Variants in CRISPLD2 observed in about 807,000 individuals in gnomAD.
The protein encoded by CRISPLD2 is cysteine rich secretory protein LCCL domain containing 2.
Under a neutral mutation model 71.1 loss-of-function variants are expected in CRISPLD2, and 47 were observed. The observed-to-expected ratio is 0.66, with a 90% CI of 0.52 to 0.84. CRISPLD2 has a LOEUF of 0.84. Among genes scored for constraint, CRISPLD2 ranks in the 40% least tolerant of loss-of-function variants. The pLI, the probability that CRISPLD2 is intolerant of heterozygous loss-of-function variation, is 0.00. For missense variants in CRISPLD2, 830 were observed against 651.1 expected, an observed-to-expected ratio of 1.27 and a Z score of -2.99; for synonymous variants, 317 against 250.1, an observed-to-expected ratio of 1.27 and a Z score of -2.52.
At chr16:84,858,536 C>T (rs1035290002) in intron 6 of CRISPLD2, among the ~76,000 whole-genome samples, 1 of 152,208 alleles carries the variant, frequency 6.6e-6, no homozygotes, top group African/African-American at 2.4e-5. Flanking sequence ...ATTTCCCATC[C>T]TCTGGCACAC....
chr16:84,822,945 T>G (rs1696185848), intron 1 of CRISPLD2, among the ~76,000 whole-genome samples: 1 of 152,212 alleles, frequency 6.6e-6, no homozygotes, highest in Non-Finnish European at 1.5e-5. Context: ...ATTGGAAGTA[T>G]TGTGCAGCCA....
chr16:84,872,282 G>A (rs1312799631), intron 8 of CRISPLD2, among the ~76,000 whole-genome samples, 160 bp from the exon 9 acceptor site: 2 of 152,176 alleles, frequency 1.3e-5, no homozygotes, highest in Non-Finnish European at 2.9e-5. Flanking sequence ...ATCAGTCTGC[G>A]CCTGGGTAAA....
At chr16:84,855,449 G>A (rs555674505) in intron 6 of CRISPLD2, among the ~76,000 whole-genome samples, 123 of 152,332 alleles carry the variant, frequency 8.1e-4, no homozygotes, top group African/African-American at 2.9e-3. Context: ...ACGGGAGAAA[G>A]ATGGAGGCTG....
At chr16:84,895,097 C>G (rs2071694684) in intron 14 of CRISPLD2, among the ~76,000 whole-genome samples, 1 of 146,314 alleles carries the variant, frequency 6.8e-6, no homozygotes, top group Non-Finnish European at 1.5e-5. Flanking sequence ...AAACTTCCAC[C>G]AGCTCTGCAC....
At chr16:84,875,039 G>C (rs1397242886) in intron 11 of CRISPLD2, among the ~76,000 whole-genome samples, 1 of 152,092 alleles carries the variant, frequency 6.6e-6, no homozygotes, top group Non-Finnish European at 1.5e-5. Context: ...CCAGGAGTTT[G>C]AGACCAGCCC....
chr16:84,834,116 T>C (rs1372144075), intron 1 of CRISPLD2, among the ~76,000 whole-genome samples: 2 of 152,160 alleles, frequency 1.3e-5, no homozygotes, highest in Non-Finnish European at 2.9e-5. Flanking sequence ...TTAAATTCCA[T>C]GGACTTCAGC....
intron 13 of CRISPLD2, among the ~76,000 whole-genome samples, chr16:84,881,226 A>G (rs2071566066): frequency 6.6e-6 from 1 of 152,220 alleles, no homozygotes; most frequent in South Asian, 2.1e-4. Context: ...GCATTTATAG[A>G]AACTGGTCCA....
At chr16:84,882,912 G>A (rs2071581266) in intron 13 of CRISPLD2, among the ~76,000 whole-genome samples, 1 of 152,202 alleles carries the variant, frequency 6.6e-6, no homozygotes, top group South Asian at 2.1e-4. Flanking sequence ...GGTGTATGCT[G>A]CCTTGCTTGA....
At chr16:84,875,951 T>C (rs1169627185) in intron 11 of CRISPLD2, among the ~76,000 whole-genome samples, 3 of 152,086 alleles carry the variant, frequency 2.0e-5, no homozygotes, top group African/African-American at 7.2e-5. Flanking sequence ...ACTAAACCAG[T>C]CCCCTTTGTT....
chr16:84,904,475 T>C (rs1021255420), intron 14 of CRISPLD2, among the ~76,000 whole-genome samples: 5 of 152,044 alleles, frequency 3.3e-5, no homozygotes, highest in Non-Finnish European at 7.4e-5. Context: ...TCCCAGCTAC[T>C]TGGGAGGCTG....
chr16:84,891,001 A>T (rs2071657306), intron 14 of CRISPLD2, among the ~76,000 whole-genome samples: 1 of 152,116 alleles, frequency 6.6e-6, no homozygotes, highest in Admixed American at 6.5e-5. Context: ...TCCTGACCTC[A>T]GGTGATCTGC....
At chr16:84,891,712 C>G (rs144229218) in intron 14 of CRISPLD2, among the ~76,000 whole-genome samples, 292 of 152,342 alleles carry the variant, frequency 1.9e-3, no homozygotes, top group African/African-American at 6.5e-3. Flanking sequence ...CAGCAGTGCC[C>G]TGTGGGCTGG....
chr16:84,889,213 C>T lies in CRISPLD2; in HGVS notation c.1306-17C>T, dbSNP rs1168296872. On this transcript the variant is annotated splice_polypyrimidine_tract_variant and intron_variant, in intron 13 of 14. Coordinates refer to ENST00000262424, the MANE Select transcript of CRISPLD2 (RefSeq NM_031476.4). ...TGGAATCCGCATCGCTGATCACAGC[C>T]CTTCCTGTGCTTCCAGACCTCAAGC... 2 of 1,613,958 alleles carry T rather than the reference C, an allele frequency of 1.2e-6. No homozygotes were observed. The highest frequency in any genetic ancestry group is 2.2e-5 in the East Asian group (1 of 44,870).
At position 84,904,284 on chromosome 16, in the gene CRISPLD2, G is replaced by C. The variant is rs563635075; in HGVS notation, c.1440-2304G>C. Among the ~76,000 whole-genome samples, 15 of 152,230 alleles carry C rather than the reference G, an allele frequency of 9.9e-5. No homozygotes were observed. In the South Asian group the frequency reaches 3.1e-3, roughly 32 times the overall value. On this transcript the variant is annotated intron_variant, in intron 14 of 14. Transcript: ENST00000262424. ...GTGCTGACATCAGGACAGACACAGA[G>C]ATTAAGAGAACGTGATTGGGCCTGG...
chr16:84,884,533 G>A (rs1313092121), intron 13 of CRISPLD2, among the ~76,000 whole-genome samples: 1 of 152,218 alleles, frequency 6.6e-6, no homozygotes, highest in African/African-American at 2.4e-5. Flanking sequence ...GATGTCAATT[G>A]TTAGTAAATA....
chr16:84,839,302 T>A (rs910272282), intron 2 of CRISPLD2: 1 of 259,252 alleles, frequency 3.9e-6, no homozygotes. Flanking sequence ...GCTCTCAGCC[T>A]TTCCCACCTG....
At chr16:84,848,637 C>T (rs1249147188) in intron 3 of CRISPLD2, among the ~76,000 whole-genome samples, 2 of 152,064 alleles carry the variant, frequency 1.3e-5, no homozygotes, top group African/African-American at 2.4e-5. Flanking sequence ...GACGGGGTTT[C>T]GCCATGTCGG....
chr16:84,866,911 C>T lies in CRISPLD2; in HGVS notation c.724C>T (p.Pro242Ser). The change falls in exon 7 of 15, where the codon CCA (proline) becomes TCA (serine). Residue 242 changes from proline to serine, a missense_variant. Pro to Ser is a moderately conservative substitution (Grantham distance 74, BLOSUM62 -1). Transcript: ENST00000262424. ...NLCYREETYT[P>S]KPETDEMNEV... ...CCAATGTTAAGAAGAAACCTACACT[C>T]CAAAACCTGAAACGGACGAGATGAA... is the stretch of plus-strand genomic sequence containing the variant. The T allele has an allele frequency of 6.2e-7, 1 of 1,614,092 alleles. No homozygotes were observed. The highest frequency in any genetic ancestry group is 8.5e-7 in the Non-Finnish European group (1 of 1,179,994).
At chr16:84,845,066 A>G (rs1330506871) in intron 2 of CRISPLD2, among the ~76,000 whole-genome samples, 1 of 152,182 alleles carries the variant, frequency 6.6e-6, no homozygotes, top group Non-Finnish European at 1.5e-5. Context: ...TCTGATTATT[A>G]CCTGCTGTGG....
Sources: allele counts gnomAD v4.1 joint callset (sites outside exome capture counted in the v4.1 genomes callset), GRCh38; gene constraint gnomAD v4.1.1; transcripts MANE v1.5; gene names NCBI Gene and HGNC (gene_info 2026-07-23, HGNC 2026-07-21).